PPP4R3A: variants seen among roughly 807,000 people sequenced by gnomAD.
The protein encoded by PPP4R3A is protein phosphatase 4 regulatory subunit 3A.
A neutral mutation model predicts 91.7 loss-of-function variants in PPP4R3A; 15 were observed. The ratio of observed to expected loss-of-function variants is 0.16; its 90% CI spans 0.11 to 0.25. PPP4R3A has a LOEUF of 0.25. Among genes scored for constraint, PPP4R3A ranks in the 10% least tolerant of loss-of-function variants. PPP4R3A has a pLI of 1.00. For synonymous variants in PPP4R3A, 377 were observed against 348.7 expected (o/e 1.08, Z -0.91); for missense variants, 623 against 998.4 (o/e 0.62, Z 5.07).
intron 1 of PPP4R3A, among the ~76,000 whole-genome samples, chr14:91,492,766 T>C (rs1366469302): frequency 1.3e-5 from 2 of 152,242 alleles, no homozygotes; most frequent in Admixed American, 6.5e-5. Flanking sequence ...ATAAGCATTC[T>C]CACATTTTGG....
intron 1 of PPP4R3A, among the ~76,000 whole-genome samples, chr14:91,499,677 TG>T (rs1168851529): frequency 6.6e-6 from 1 of 151,706 alleles, no homozygotes; most frequent in Non-Finnish European, 1.5e-5. Context: ...AAAAATTAGC[TG>T]GGCATGGTGG....
chr14:91,508,694 T>TA (rs1404508240), intron 1 of PPP4R3A, among the ~76,000 whole-genome samples: 4 of 152,210 alleles, frequency 2.6e-5, no homozygotes, highest in Non-Finnish European at 5.9e-5. Flanking sequence ...TCAAACAACT[T>TA]AGTCTTTGAA....
intron 1 of PPP4R3A, among the ~76,000 whole-genome samples, chr14:91,491,921 G>A (rs1421344612): frequency 6.6e-6 from 1 of 151,732 alleles, no homozygotes; most frequent in East Asian, 1.9e-4. Context: ...TTATTGCCCA[G>A]GCTGGTCTCT....
At chr14:91,476,191 G>A (rs1889195206) in intron 6 of PPP4R3A, among the ~76,000 whole-genome samples, 1 of 152,188 alleles carries the variant, frequency 6.6e-6, no homozygotes, top group Admixed American at 6.5e-5. Context: ...CTGCAAAGCT[G>A]ACAAACTATC....
intron 7 of PPP4R3A, chr14:91,474,741 T>TCCTCCTGAGTATCTGGGACTATGG (rs1284415406): frequency 2.0e-5 from 3 of 152,002 alleles, no homozygotes; most frequent in African/African-American, 7.2e-5. Context: ...TTCCTTCTCA[T>TCCTCCTGAGTATCTGGGACTATGG]CCTCCTGAGT....
chr14:91,466,270 T>C lies in PPP4R3A; in HGVS notation c.1661-851A>G. 3.0e-6 allele frequency: 3 copies of C among 985,884 alleles called. No individual in the cohort carries two copies. The South Asian group carries it at 1.4e-4, about 46-fold the overall frequency. 61.1% of individuals were successfully genotyped at this position (985,884 alleles called of 1,614,324 possible). ...AAAAAAGCATACTCACTTCATGCAG[T>C]CACATCGTCTTCGGTTGGCAAGATT... On this transcript the variant is annotated intron_variant, in intron 10 of 14. Coordinates refer to ENST00000554943, the MANE Select transcript of PPP4R3A (RefSeq NM_001366432.2).
At chr14:91,460,573 G>GC (rs1415482631) in intron 14 of PPP4R3A, among the ~76,000 whole-genome samples, 2 of 150,602 alleles carry the variant, frequency 1.3e-5, no homozygotes, top group East Asian at 2.0e-4. Context: ...GGCATAAGGA[G>GC]CCCCCAAAAC....
intron 1 of PPP4R3A, among the ~76,000 whole-genome samples, chr14:91,498,909 CT>C (rs1890760484): frequency 7.9e-6 from 1 of 127,094 alleles, no homozygotes; most frequent in African/African-American, 3.2e-5. Flanking sequence ...CAGAGTGAGA[CT>C]CCAACTCAAA....
intron 1 of PPP4R3A, among the ~76,000 whole-genome samples, chr14:91,501,567 G>A (rs1182313318): frequency 6.6e-6 from 1 of 152,064 alleles, no homozygotes; most frequent in African/African-American, 2.4e-5. Context: ...TGAGGTGAGA[G>A]GATTACCTGA....
At chr14:91,459,956 A>ATCATT (rs1888022396) in intron 14 of PPP4R3A, among the ~76,000 whole-genome samples, 1 of 152,052 alleles carries the variant, frequency 6.6e-6, no homozygotes, top group East Asian at 1.9e-4. Context: ...ACTCTTCCTC[A>ATCATT]TCATTTCATC....
chr14:91,509,496 C>A lies in PPP4R3A; in HGVS notation c.142+10G>T. ...GCTGCGAGGGTCCCGCCGCGCGGGG[C>A]TTCACTTACCGTCGCTCTCAGCCCT... On this transcript the variant is annotated intron_variant, in intron 1 of 14. Transcript: ENST00000554943. 2 of 1,581,332 alleles carry A rather than the reference C, an allele frequency of 1.3e-6. No individual in the cohort carries two copies. The highest frequency in any genetic ancestry group is 1.7e-6 in the Non-Finnish European group (2 of 1,169,856).
chr14:91,493,208 G>T (rs574093142), intron 1 of PPP4R3A, among the ~76,000 whole-genome samples: 1 of 151,888 alleles, frequency 6.6e-6, no homozygotes, highest in Non-Finnish European at 1.5e-5. Context: ...GGCCAACATG[G>T]TTAAACCCCA....
chr14:91,489,969 G>GT (rs1890138607), intron 2 of PPP4R3A, among the ~76,000 whole-genome samples: 1 of 152,170 alleles, frequency 6.6e-6, no homozygotes, highest in African/African-American at 2.4e-5. Flanking sequence ...CTTCTTTCTA[G>GT]TATTTTAAAG....
chr14:91,504,325 TAAAAAAAAA>T (rs35776205), intron 1 of PPP4R3A, among the ~76,000 whole-genome samples: 1 of 115,012 alleles, frequency 8.7e-6, no homozygotes, highest in South Asian at 2.6e-4. Flanking sequence ...TCTTAAAAAT[TAAAAAAAAA>T]AAAAAAAGAA....
chr14:91,483,750 C>A (rs1439213123), intron 3 of PPP4R3A, among the ~76,000 whole-genome samples: 1 of 152,034 alleles, frequency 6.6e-6, no homozygotes, highest in Non-Finnish European at 1.5e-5. Context: ...TGAGAAATGA[C>A]ACCTTGAACA....
Position 91,472,889 on chromosome 14 carries a change from T to G in PPP4R3A, c.1501+144A>C, listed in dbSNP as rs1306414934. 8 of 700,410 alleles carry G rather than the reference T, an allele frequency of 1.1e-5. No homozygotes were observed. In the South Asian group the frequency reaches 1.3e-4, roughly 12 times the overall value. 43.4% of individuals were successfully genotyped at this position (700,410 alleles called of 1,614,324 possible). A position where few individuals can be genotyped will look rare whatever the true frequency, so the allele number is the denominator to read the frequency against. On this transcript the variant is annotated intron_variant, in intron 9 of 14. Coordinates refer to ENST00000554943, the MANE Select transcript of PPP4R3A (RefSeq NM_001366432.2). ...TCTATGTTAACCTGATGGTTTGAAC[T>G]TTTAAAGACTACTACTTTTTAAAAG...
At chr14:91,480,014 G>T (rs1367148896) in intron 4 of PPP4R3A, among the ~76,000 whole-genome samples, 3 of 152,150 alleles carry the variant, frequency 2.0e-5, no homozygotes, top group African/African-American at 7.2e-5. Flanking sequence ...AATTTTGGGG[G>T]TGTTACAAAC....
intron 1 of PPP4R3A, among the ~76,000 whole-genome samples, chr14:91,493,963 C>A (rs12887629): frequency 6.7e-6 from 1 of 149,688 alleles, no homozygotes; most frequent in Non-Finnish European, 1.5e-5. Context: ...AGGGTTTCTC[C>A]ATGTTGGTCA....
At chr14:91,471,898 C>T (rs1164149085) in intron 9 of PPP4R3A, among the ~76,000 whole-genome samples, 2 of 151,792 alleles carry the variant, frequency 1.3e-5, no homozygotes, top group African/African-American at 4.8e-5. Flanking sequence ...AACCCTGCCT[C>T]TACTAAAAAT....
Sources: gnomAD v4.1 joint callset for allele counts (sites outside exome capture counted in the v4.1 genomes callset) on GRCh38, gnomAD v4.1.1 for gene constraint, MANE v1.5 for transcripts, NCBI Gene and HGNC (gene_info 2026-07-23, HGNC 2026-07-21) for gene names.